Variants in RIPOR3 observed in about 807,000 individuals in gnomAD.
RIPOR3 encodes the protein family with sequence similarity 65 member C.
Under a neutral mutation model 114.3 loss-of-function variants are expected in RIPOR3, and 95 were observed. The observed-to-expected ratio is 0.83, with a 90% CI of 0.70 to 0.99. The LOEUF (loss-of-function observed/expected upper bound fraction) is 0.99. Among genes scored for constraint, RIPOR3 ranks in the 50% least tolerant of loss-of-function variants. The pLI is 0.00. For missense variants in RIPOR3, 1,252 were observed against 1,266.9 expected, an observed-to-expected ratio of 0.99 and a Z score of 0.18; for synonymous variants, 575 against 543.8, an observed-to-expected ratio of 1.06 and a Z score of -0.80.
At chr20:50,639,827 A>C (rs6091190) in intron 1 of RIPOR3, among the ~76,000 whole-genome samples, 8 of 151,562 alleles carry the variant, frequency 5.3e-5, no homozygotes, top group Non-Finnish European at 7.4e-5. Context: ...AGAAGCCCTC[A>C]CTCTGGAATT....
At chr20:50,598,849 G>T (rs2083394061) in intron 13 of RIPOR3, among the ~76,000 whole-genome samples, 1 of 149,456 alleles carries the variant, frequency 6.7e-6, no homozygotes, top group Admixed American at 6.7e-5. Context: ...AGGTTGCAGT[G>T]AGCCAAGATT....
chr20:50,649,124 C>T (rs1002834501), intron 1 of RIPOR3, among the ~76,000 whole-genome samples: 1 of 152,126 alleles, frequency 6.6e-6, no homozygotes, highest in Non-Finnish European at 1.5e-5. Flanking sequence ...CTTCACAGCT[C>T]TTCCTCTTCT....
Position 50,609,276 on chromosome 20 carries a change from C to T in RIPOR3, c.640+17G>A, listed in dbSNP as rs1568852020. 6.8e-6 allele frequency: 11 copies of T among 1,613,092 alleles called. No homozygotes were observed. The highest frequency in any genetic ancestry group is 9.3e-6 in the Non-Finnish European group (11 of 1,179,376). On this transcript the variant is annotated intron_variant, in intron 8 of 21. Coordinates refer to ENST00000327979, the MANE Select transcript of RIPOR3 (RefSeq NM_001290268.2). ...CCTCCAGAAAGGCCTCCGCCCACCC[C>T]CTCTCAGCCCTGTTACCTTTCATCC... is the stretch of plus-strand genomic sequence containing the variant.
chr20:50,619,284 A>G (rs889344947), intron 3 of RIPOR3, among the ~76,000 whole-genome samples: 1 of 151,804 alleles, frequency 6.6e-6, no homozygotes, highest in Non-Finnish European at 1.5e-5. Context: ...AAAAAAGAAA[A>G]AAAAAAATTA....
chr20:50,641,891 G>A (rs1195269735), intron 1 of RIPOR3, among the ~76,000 whole-genome samples: 6 of 152,266 alleles, frequency 3.9e-5, no homozygotes, highest in East Asian at 1.9e-4. Context: ...AATGCAGGGC[G>A]GTAGCCTCCA....
At chr20:50,658,036 A>T (rs1318215119) in intron 1 of RIPOR3, among the ~76,000 whole-genome samples, 1 of 152,016 alleles carries the variant, frequency 6.6e-6, no homozygotes, top group African/African-American at 2.4e-5. Context: ...AAGTACTGGG[A>T]TTACAGGTGT....
intron 20 of RIPOR3, among the ~76,000 whole-genome samples, chr20:50,588,486 C>T (rs946378394): frequency 6.6e-6 from 1 of 152,178 alleles, no homozygotes; most frequent in Non-Finnish European, 1.5e-5. Flanking sequence ...TGAGGGAAAG[C>T]GGGCATCCCC....
chr20:50,671,123 G>C (rs1011327314), intron 1 of RIPOR3, among the ~76,000 whole-genome samples: 1 of 151,948 alleles, frequency 6.6e-6, no homozygotes, highest in Non-Finnish European at 1.5e-5. Context: ...TTTAGGATTT[G>C]TTTTAGTTGT....
intron 1 of RIPOR3, among the ~76,000 whole-genome samples, chr20:50,656,355 A>C (rs979482930): frequency 1.3e-5 from 2 of 152,172 alleles, no homozygotes; most frequent in Non-Finnish European, 2.9e-5. Flanking sequence ...AAATGGTGTA[A>C]TAATAGTGCC....
At chr20:50,676,477 C>T (rs934554849) in intron 1 of RIPOR3, among the ~76,000 whole-genome samples, 1 of 152,060 alleles carries the variant, frequency 6.6e-6, no homozygotes, top group Admixed American at 6.6e-5. Flanking sequence ...CATAGAGAGA[C>T]CCCGTCTCTA....
intron 2 of RIPOR3, among the ~76,000 whole-genome samples, chr20:50,628,835 G>A (rs114548728): frequency 0.085 from 12,879 of 152,176 alleles, 1,783 homozygotes; most frequent in African/African-American, 0.29. Context: ...CTGGGGTCCC[G>A]GCACCACCAC....
chr20:50,661,131 G>A (rs757998688), intron 1 of RIPOR3, among the ~76,000 whole-genome samples: 3 of 150,672 alleles, frequency 2.0e-5, no homozygotes, highest in Non-Finnish European at 4.4e-5. Context: ...CCAGCTACTC[G>A]GGAGGCTGAG....
intron 8 of RIPOR3, 149 bp downstream of exon 8, chr20:50,609,144 G>T: frequency 8.0e-7 from 1 of 1,243,786 alleles, no homozygotes; most frequent in Non-Finnish European, 1.1e-6. Flanking sequence ...TCAGAGAGGG[G>T]TGGGACTTGC....
chr20:50,598,072 C>T (rs2083362708), intron 13 of RIPOR3, among the ~76,000 whole-genome samples: 1 of 152,224 alleles, frequency 6.6e-6, no homozygotes. Context: ...AAGAGGGGGC[C>T]ACGCTCATAG....
chr20:50,619,496 G>T (rs945943187), intron 3 of RIPOR3, among the ~76,000 whole-genome samples: 1 of 150,672 alleles, frequency 6.6e-6, no homozygotes. Flanking sequence ...TGCAGGCCTC[G>T]GCCCAGCTCA....
intron 20 of RIPOR3, among the ~76,000 whole-genome samples, chr20:50,588,603 TG>T (rs1436837899): frequency 6.6e-6 from 1 of 152,138 alleles, no homozygotes; most frequent in African/African-American, 2.4e-5. Context: ...CAGAACTCCA[TG>T]TTTTTTTAAA....
chr20:50,688,568 A>G (rs565221335), intron 1 of RIPOR3, among the ~76,000 whole-genome samples: 1 of 152,216 alleles, frequency 6.6e-6, no homozygotes, highest in Non-Finnish European at 1.5e-5. Context: ...TCTGACAATC[A>G]GCTTTCACAA....
At chr20:50,639,934 T>TGACAGCC (rs1368538607) in intron 1 of RIPOR3, among the ~76,000 whole-genome samples, 3 of 152,002 alleles carry the variant, frequency 2.0e-5, no homozygotes, top group African/African-American at 7.3e-5. Context: ...GCACAGCCTG[T>TGACAGCC]GACAGCCTGG....
At chr20:50,635,862 C>G (rs952453158) in intron 1 of RIPOR3, among the ~76,000 whole-genome samples, 3 of 152,224 alleles carry the variant, frequency 2.0e-5, no homozygotes, top group African/African-American at 4.8e-5. Context: ...GACACGCCCC[C>G]CTCCCAGGAG....
Sources: allele counts gnomAD v4.1 joint callset (sites outside exome capture counted in the v4.1 genomes callset), GRCh38; gene constraint gnomAD v4.1.1; transcripts MANE v1.5; gene names NCBI Gene and HGNC (gene_info 2026-07-23, HGNC 2026-07-21).